DZIP1: variants seen among roughly 807,000 people sequenced by gnomAD.
DZIP1 encodes the protein DAZ interacting zinc finger protein 1.
Under a neutral mutation model 107.6 loss-of-function variants are expected in DZIP1, and 97 were observed. That is an observed-to-expected ratio of 0.90 (90% CI 0.77 to 1.07). The LOEUF (loss-of-function observed/expected upper bound fraction) is 1.07. Among genes scored for constraint, DZIP1 ranks in the 50% least tolerant of loss-of-function variants. The pLI, the probability that DZIP1 is intolerant of heterozygous loss-of-function variation, is 0.00. For missense variants in DZIP1, 1,035 were observed against 1,063.6 expected (o/e 0.97, Z 0.37); for synonymous variants, 390 against 386.4 (o/e 1.01, Z -0.11).
chr13:95,592,001 A>G (rs2044323287), intron 16 of DZIP1, among the ~76,000 whole-genome samples: 1 of 152,208 alleles, frequency 6.6e-6, no homozygotes, highest in Non-Finnish European at 1.5e-5. Flanking sequence ...GGAACACACA[A>G]AAAAACAAGG....
chr13:95,611,603 T>A (rs2045008796), intron 11 of DZIP1, 110 bp from the exon 12 acceptor site: 1 of 917,306 alleles, frequency 1.1e-6, no homozygotes, highest in African/African-American at 1.6e-5. Flanking sequence ...CACTAAATTA[T>A]CCAGGGACAT....
chr13:95,584,640 T>C (rs2044106255), intron 22 of DZIP1, 96 bp downstream of exon 22: 1 of 1,495,786 alleles, frequency 6.7e-7, no homozygotes, highest in Non-Finnish European at 8.9e-7. Flanking sequence ...TTTTGTCTGA[T>C]GATATACCAG....
chr13:95,605,640 G>A (rs368030524), intron 14 of DZIP1, among the ~76,000 whole-genome samples: 7 of 152,176 alleles, frequency 4.6e-5, no homozygotes, highest in African/African-American at 7.2e-5. Flanking sequence ...AACCACATAC[G>A]CCCTGTGGCA....
At chr13:95,624,659 T>C (rs2139296384) in intron 8 of DZIP1, 109 bp downstream of exon 8, 1 of 962,364 alleles carries the variant, frequency 1.0e-6, no homozygotes, top group East Asian at 2.6e-5. Flanking sequence ...GAAGAATGTC[T>C]GCACGAGGGT....
chr13:95,636,448 C>A (rs867788478), intron 5 of DZIP1, among the ~76,000 whole-genome samples: 7 of 151,046 alleles, frequency 4.6e-5, no homozygotes, highest in Non-Finnish European at 8.8e-5. Context: ...GAGGCTGAGG[C>A]CGGAGAATCG....
At chr13:95,585,722 T>A (rs535083765) in intron 21 of DZIP1, among the ~76,000 whole-genome samples, 1 of 152,346 alleles carries the variant, frequency 6.6e-6, no homozygotes, top group Admixed American at 6.5e-5. Context: ...CACAAATTTC[T>A]TTGTACAAAC....
intron 19 of DZIP1, chr13:95,588,156 C>G (rs1349385402): frequency 6.5e-6 from 1 of 153,846 alleles, no homozygotes; most frequent in Non-Finnish European, 1.4e-5. Flanking sequence ...TTTGTATTAT[C>G]ACATGAATTA....
chr13:95,586,252 T>A, intron 20 of DZIP1, 116 bp from the exon 21 acceptor site: 2 of 807,766 alleles, frequency 2.5e-6, no homozygotes, highest in Non-Finnish European at 3.5e-6. Context: ...AGTAATTATG[T>A]ATTATTAAAA....
chr13:95,624,970 G>T, intron 7 of DZIP1, 41 bp from the exon 8 acceptor site: 1 of 1,511,132 alleles, frequency 6.6e-7, no homozygotes. Context: ...GTTCTGGTCT[G>T]AAGAAAATAA....
chr13:95,622,696 G>A (rs1370819352), intron 8 of DZIP1, among the ~76,000 whole-genome samples: 2 of 150,494 alleles, frequency 1.3e-5, no homozygotes, highest in Admixed American at 6.6e-5. Context: ...TGTACAGGGT[G>A]AAAAAAGGGG....
intron 12 of DZIP1, among the ~76,000 whole-genome samples, chr13:95,610,055 A>AGTGTGTGTGTGTGTGT (rs58398816): frequency 3.5e-4 from 38 of 109,356 alleles, no homozygotes; most frequent in East Asian, 2.1e-3. Flanking sequence ...TGACTGGTTT[A>AGTGTGTGTGTGTGTGT]GTGTGTGTGT....
At chr13:95,600,582 TA>T (rs869195200) in intron 14 of DZIP1, among the ~76,000 whole-genome samples, 14 of 145,916 alleles carry the variant, frequency 9.6e-5, no homozygotes, top group East Asian at 4.1e-4. Context: ...TAGAGATAGA[TA>T]GATAGATGAT....
chr13:95,615,036 G>A (rs1336016446), intron 10 of DZIP1, among the ~76,000 whole-genome samples: 1 of 152,116 alleles, frequency 6.6e-6, no homozygotes, highest in Non-Finnish European at 1.5e-5. Flanking sequence ...AGCAAAGAAG[G>A]GAGAGGTAAG....
chr13:95,612,322 T>C (rs2139132320), intron 10 of DZIP1, 145 bp from the exon 11 acceptor site: 1 of 924,478 alleles, frequency 1.1e-6, no homozygotes, highest in Non-Finnish European at 1.6e-6. Flanking sequence ...TCTTTGATCA[T>C]GGTATATCCT....
At chr13:95,589,053 AC>A in intron 19 of DZIP1, 100 bp downstream of exon 19, 1 of 910,342 alleles carries the variant, frequency 1.1e-6, no homozygotes, top group South Asian at 1.5e-5. Context: ...TTAAATAATT[AC>A]GGCTTCATTC....
intron 5 of DZIP1, among the ~76,000 whole-genome samples, chr13:95,636,536 C>G (rs2139433857): frequency 1.0e-5 from 1 of 99,244 alleles, no homozygotes; most frequent in Middle Eastern, 7.7e-3. Context: ...AAAACAAGAC[C>G]TTGACTCAAA....
chr13:95,633,017 C>G (rs761569573), intron 6 of DZIP1, among the ~76,000 whole-genome samples: 1 of 152,150 alleles, frequency 6.6e-6, no homozygotes, highest in Non-Finnish European at 1.5e-5. Flanking sequence ...ATGTAAAACT[C>G]GAGAGAGAGT....
intron 19 of DZIP1, 183 bp from the exon 20 acceptor site, chr13:95,587,912 T>A: frequency 1.6e-6 from 1 of 642,280 alleles, no homozygotes; most frequent in Non-Finnish European, 2.5e-6. Context: ...GGCTGTAGCA[T>A]CCTCCCACGC....
At chr13:95,598,614 T>G (rs1340820532) in intron 15 of DZIP1, among the ~76,000 whole-genome samples, 2 of 152,116 alleles carry the variant, frequency 1.3e-5, no homozygotes, top group Non-Finnish European at 2.9e-5. Context: ...ATATAAGTAT[T>G]GACAATTTGC....
Sources: gnomAD v4.1 joint callset for allele counts (sites outside exome capture counted in the v4.1 genomes callset) on GRCh38, gnomAD v4.1.1 for gene constraint, MANE v1.5 for transcripts, NCBI Gene and HGNC (gene_info 2026-07-23, HGNC 2026-07-21) for gene names.